DOP1B: variants seen among roughly 807,000 people sequenced by gnomAD.
DOP1B encodes the protein protein DOP1B.
DOP1B carries 174 observed loss-of-function variants against 233.5 expected under a neutral mutation model. The observed-to-expected ratio is 0.75, with a 90% CI of 0.66 to 0.85. The LOEUF (loss-of-function observed/expected upper bound fraction) is 0.85. DOP1B is among the 40% of genes least tolerant of loss of function. DOP1B has a pLI of 0.00. For synonymous variants in DOP1B, 1,190 were observed against 1,185.6 expected (o/e 1.00, Z -0.08); for missense variants, 2,652 against 2,846.6 (o/e 0.93, Z 1.56).
In DOP1B at chr21:36,278,398, G is replaced by A. The variant is rs192617168; in HGVS notation, c.5969+43G>A. 1.1e-4 allele frequency: 165 copies of A among 1,566,906 alleles called. 1 individual carries two copies. The African/African-American group carries it at 1.6e-3, about 16-fold the overall frequency. On this transcript the variant is annotated intron_variant, in intron 30 of 36. Transcript: ENST00000691173. ...GATAACAACGTGCTCTGAATCTTCAGGTGGAAATGGCATTTTGGTTTACAG... is the reference window on the plus strand; with the variant it reads ...GATAACAACGTGCTCTGAATCTTCAAGTGGAAATGGCATTTTGGTTTACAG...
In DOP1B at chr21:36,238,689, G is replaced by T. The variant is rs772745012; in HGVS notation, c.2864G>T (p.Arg955Leu). 14 of 1,614,010 alleles carry T rather than the reference G, an allele frequency of 8.7e-6. No individual in the cohort carries two copies. The highest frequency in any genetic ancestry group is 3.3e-5 in the Admixed American group (2 of 60,010). Residue 955 changes from arginine to leucine, a missense_variant, in exon 17 of 37, where the codon CGC becomes CTC. Arg to Leu is a moderately radical substitution (Grantham distance 102). This residue lies in a region of DOP1B where 2,617 missense variants were observed against 2,794.3 expected (regional missense o/e 0.94). Transcript: ENST00000691173. ...GGCAGTCGAGTAACATCTCACAATCGCTCCTTTGATAGGTGAGGCGGCCTT... is the reference window on the plus strand; with the variant it reads ...GGCAGTCGAGTAACATCTCACAATCTCTCCTTTGATAGGTGAGGCGGCCTT... ...IQGSRVTSHN[R>L]SFDRSLFVVL...
intron 9 of DOP1B, among the ~76,000 whole-genome samples, chr21:36,217,446 G>C (rs1260921125): frequency 6.6e-6 from 1 of 152,218 alleles, no homozygotes; most frequent in East Asian, 1.9e-4. Flanking sequence ...GAAAGACTAA[G>C]GTTGGGTGGG....
chr21:36,247,580 G>A lies in DOP1B; in HGVS notation c.4761G>A (p.Thr1587=), dbSNP rs370172446. The A allele has an allele frequency of 6.2e-6, 10 of 1,609,306 alleles. No individual in the cohort carries two copies. Among genetic ancestry groups the A allele is most frequent in the South Asian group, 4.5e-5 (4 of 89,810 alleles). ...CACTCACCCTTCTAGAAGGTCTAAC[G>A]ACCATTAGTCATTTTTGTCTTTTGG... is the stretch of plus-strand genomic sequence containing the variant. The part of the protein sequence containing the change: ...DYPLTLLEGL[T]TISHFCLLEQ... The change falls in exon 20 of 37, where the codon ACG becomes ACA. Residue 1587 remains threonine, a synonymous_variant. Coordinates refer to ENST00000691173, the MANE Select transcript of DOP1B (RefSeq NM_001320714.2).
At position 36,173,460 on chromosome 21, in the gene DOP1B, C is replaced by CGCCCAGGCTGGAGTGCAGCG. The variant is rs2065991765; in HGVS notation, c.138+8594_138+8613dup. On this transcript the variant is annotated intron_variant, in intron 2 of 36. Transcript: ENST00000691173. ...TTTTTGAGATGGAGTCTTGCTCTGT[C>CGCCCAGGCTGGAGTGCAGCG]GCCCAGGCTGGAGTGCAGCGGCCCC... Among the ~76,000 whole-genome samples, 6 of 143,478 alleles carry CGCCCAGGCTGGAGTGCAGCG rather than the reference C, an allele frequency of 4.2e-5. No homozygotes were observed. The Admixed American group carries it at 4.4e-4, about 10-fold the overall frequency. 94.1% of individuals were successfully genotyped at this position (143,478 alleles called of 152,430 possible).
intron 3 of DOP1B, among the ~76,000 whole-genome samples, chr21:36,199,520 T>C (rs1156741748): frequency 6.6e-6 from 1 of 152,108 alleles, no homozygotes; most frequent in Non-Finnish European, 1.5e-5. Context: ...ATGTGCCATG[T>C]TGGTGTGCTG....
chr21:36,192,411 CAA>C (rs993974157), intron 2 of DOP1B, among the ~76,000 whole-genome samples: 9 of 135,478 alleles, frequency 6.6e-5, no homozygotes, highest in South Asian at 4.8e-4. Flanking sequence ...TTTTTTGAGA[CAA>C]GAGTCGCCCA....
chr21:36,253,276 C>G (rs992204228), intron 22 of DOP1B, among the ~76,000 whole-genome samples: 1 of 152,170 alleles, frequency 6.6e-6, no homozygotes, highest in African/African-American at 2.4e-5. Context: ...ATATTTGTTT[C>G]TAAAATGCTT....
rs1012969368 is a variant in DOP1B, at chr21:36,223,322, A to G, written c.1342A>G (p.Met448Val). ...SLSTDFLWDYMTRCFEECFRP... is the reference protein window; with the variant it reads ...SLSTDFLWDYVTRCFEECFRP... Reference sequence around the variant, plus strand: ...AAGCACAGACTTTCTCTGGGATTATATGACAAGGTGTTTTGAGGAATGCTT... The same window carrying G: ...AAGCACAGACTTTCTCTGGGATTATGTGACAAGGTGTTTTGAGGAATGCTT... Residue 448 changes from methionine to valine, a missense_variant, in exon 11 of 37, where the codon ATG becomes GTG. Around this residue, in one of 3 missense-constraint regions of DOP1B, gnomAD observed 2,617 missense variants for 2,794.3 expected, o/e 0.94. Coordinates refer to ENST00000691173, the MANE Select transcript of DOP1B (RefSeq NM_001320714.2). 2.7e-5 allele frequency: 43 copies of G among 1,610,638 alleles called. No individual in the cohort carries two copies. Among genetic ancestry groups the G allele is most frequent in the Non-Finnish European group, 3.6e-5 (43 of 1,179,404 alleles).
chr21:36,187,528 C>T (rs2066178268), intron 2 of DOP1B, among the ~76,000 whole-genome samples: 1 of 152,122 alleles, frequency 6.6e-6, no homozygotes, highest in African/African-American at 2.4e-5. Flanking sequence ...AACTCCCAAC[C>T]TCAGGTGATC....
intron 27 of DOP1B, among the ~76,000 whole-genome samples, chr21:36,274,612 C>G (rs1311420664): frequency 1.3e-5 from 2 of 151,854 alleles, no homozygotes; most frequent in Admixed American, 1.3e-4. Flanking sequence ...GGCAGACACA[C>G]GGTGGAGGGC....
chr21:36,192,452 T>C (rs1446431515), intron 2 of DOP1B, among the ~76,000 whole-genome samples: 1 of 150,288 alleles, frequency 6.7e-6, no homozygotes, highest in East Asian at 2.0e-4. Context: ...TGATCACAGC[T>C]CACTGCAGCC....
intron 2 of DOP1B, among the ~76,000 whole-genome samples, chr21:36,188,853 C>T (rs932376242): frequency 3.9e-5 from 6 of 152,136 alleles, no homozygotes; most frequent in East Asian, 3.8e-4. Flanking sequence ...TTTTATTTTA[C>T]GGGCTAAATA....
At chr21:36,220,300 T>C (rs972237892) in intron 10 of DOP1B, among the ~76,000 whole-genome samples, 23 of 152,218 alleles carry the variant, frequency 1.5e-4, no homozygotes, top group African/African-American at 5.5e-4. Context: ...AAGTAATACA[T>C]GCTCATTGTT....
rs1019794235 is a variant in DOP1B at position 36,202,475 on chromosome 21, A to G, written c.491+1974A>G. ...TTTCCTGTGGTGTCAGCTGTGACTG[A>G]GGGGTGCAGGAGGCTGGAGTCTAAC... On this transcript the variant is annotated intron_variant, in intron 4 of 36. Transcript: ENST00000691173. Among the ~76,000 whole-genome samples, 5 of 152,092 alleles carry G rather than the reference A, an allele frequency of 3.3e-5. 1 individual carries two copies. Among genetic ancestry groups the G allele is most frequent in the Non-Finnish European group, 7.4e-5 (5 of 68,014 alleles).
chr21:36,160,136 ATAAT>A (rs773137360), intron 1 of DOP1B, among the ~76,000 whole-genome samples: 1 of 65,454 alleles, frequency 1.5e-5, no homozygotes, highest in Non-Finnish European at 4.7e-5. Flanking sequence ...GGAAAAAATA[ATAAT>A]AATAATAATA....
chr21:36,290,770 C>T (rs1296495634), intron 35 of DOP1B, among the ~76,000 whole-genome samples: 1 of 149,586 alleles, frequency 6.7e-6, no homozygotes, highest in African/African-American at 2.5e-5. Flanking sequence ...GCACTCCAGC[C>T]TGGGCAACAA....
intron 26 of DOP1B, among the ~76,000 whole-genome samples, chr21:36,264,149 G>A (rs1223968046): frequency 2.0e-5 from 3 of 152,176 alleles, no homozygotes; most frequent in Non-Finnish European, 2.9e-5. Context: ...CCCCAGACGC[G>A]GTGGCGCATA....
At chr21:36,239,150 C>G (rs1178759438) in intron 17 of DOP1B, among the ~76,000 whole-genome samples, 1 of 152,122 alleles carries the variant, frequency 6.6e-6, no homozygotes, top group Non-Finnish European at 1.5e-5. Flanking sequence ...CGAGCACAGC[C>G]AGTGGTTCCC....
At chr21:36,292,308 G>A (rs1471654674) in intron 36 of DOP1B, 75 bp downstream of exon 36, 1 of 1,255,636 alleles carries the variant, frequency 8.0e-7, no homozygotes, top group Non-Finnish European at 1.1e-6. Flanking sequence ...CCAGGTTAGA[G>A]TGCAGTGGTG....
Sources: gnomAD v4.1 joint callset for allele counts (sites outside exome capture counted in the v4.1 genomes callset) on GRCh38, gnomAD v4.1.1 for gene constraint, gnomAD v4.1.1 regional missense constraint, MANE v1.5 for transcripts, NCBI Gene and HGNC (gene_info 2026-07-23, HGNC 2026-07-21) for gene names.